The following TRIM9 variants were observed in gnomAD, a reference collection of about 807,000 sequenced individuals.
The protein encoded by TRIM9 is tripartite motif containing 9.
TRIM9 carries 26 observed loss-of-function variants against 78.3 expected under a neutral mutation model. The observed-to-expected ratio is 0.33, with a 90% CI of 0.24 to 0.46. The LOEUF (loss-of-function observed/expected upper bound fraction) is 0.46. TRIM9 is among the 20% of genes least tolerant of loss of function. The pLI is 1.00. For missense variants in TRIM9, 787 were observed against 1,036.4 expected, an observed-to-expected ratio of 0.76 and a Z score of 3.30; for synonymous variants, 398 against 416.5, an observed-to-expected ratio of 0.96 and a Z score of 0.54.
intron 3 of TRIM9, among the ~76,000 whole-genome samples, chr14:51,015,445 G>A (rs34678449): frequency 0.047 from 6,645 of 140,730 alleles, 199 homozygotes; most frequent in East Asian, 0.17. Flanking sequence ...TTTACATGTG[G>A]TTCTTTTAAA....
intron 1 of TRIM9, among the ~76,000 whole-genome samples, chr14:51,071,902 G>A (rs2062304245): frequency 6.6e-6 from 1 of 152,228 alleles, no homozygotes; most frequent in Non-Finnish European, 1.5e-5. Context: ...TGACAGTGCT[G>A]TTTGCCATGG....
Position 50,979,516 on chromosome 14 carries a change from A to G in TRIM9, c.2196T>C (p.Ile732=), listed in dbSNP as rs1263677000. ...TTCTATTTAAGTCGAGGAGGACCCC[A>G]ATTGTGGCCCCTTTTGTGATCCCTC... ...TEGGITKGAT[I]GVLLDLNRKN... is the part of the protein sequence containing the mutation. The change falls in exon 12 of 13, where the codon ATT becomes ATC. Residue 732 remains isoleucine (I), a synonymous_variant. Transcript: ENST00000684578. 4 of 1,613,996 alleles carry G rather than the reference A, an allele frequency of 2.5e-6. No individual in the cohort carries two copies. The highest frequency in any genetic ancestry group is 3.4e-6 in the Non-Finnish European group (4 of 1,180,028).
At chr14:51,015,024 C>T (rs57305071) in intron 3 of TRIM9, among the ~76,000 whole-genome samples, 1,884 of 152,314 alleles carry the variant, frequency 0.012, 41 homozygotes, top group African/African-American at 0.043. Flanking sequence ...TCAGAGAAGG[C>T]TTTTAAAATT....
At chr14:50,996,367 A>C (rs2054204141) in intron 7 of TRIM9, 3 of 985,464 alleles carry the variant, frequency 3.0e-6, no homozygotes, top group Non-Finnish European at 3.6e-6. Context: ...TAATCTTATG[A>C]ACATTAAAAT....
At chr14:51,013,141 G>C (rs1301631673) in intron 3 of TRIM9, among the ~76,000 whole-genome samples, 6 of 151,880 alleles carry the variant, frequency 4.0e-5, no homozygotes, top group Non-Finnish European at 8.8e-5. Flanking sequence ...TCTCCCAGGA[G>C]TTTATAGTTT....
intron 7 of TRIM9, among the ~76,000 whole-genome samples, chr14:50,988,611 G>A (rs1308843238): frequency 4.5e-5 from 6 of 133,662 alleles, no homozygotes; most frequent in Non-Finnish European, 9.5e-5. Flanking sequence ...CCCCATCTAT[G>A]ACCTCCCATT....
At chr14:51,093,153 G>C (rs1022667047) in intron 1 of TRIM9, among the ~76,000 whole-genome samples, 1 of 152,136 alleles carries the variant, frequency 6.6e-6, no homozygotes, top group African/African-American at 2.4e-5. Flanking sequence ...GAGAAGCGTG[G>C]GAAAAATTGG....
At chr14:50,977,391 C>T (rs764986316) in intron 12 of TRIM9, 38 bp from the exon 13 acceptor site, 2 of 1,467,556 alleles carry the variant, frequency 1.4e-6, no homozygotes, top group Admixed American at 4.4e-5. Context: ...AGGCATCGTG[C>T]ATCCCCCTGT....
At chr14:51,032,702 C>T (rs1465403259) in intron 1 of TRIM9, among the ~76,000 whole-genome samples, 1 of 152,210 alleles carries the variant, frequency 6.6e-6, no homozygotes, top group African/African-American at 2.4e-5. Context: ...GTCTAAAATA[C>T]TAAGCTTCAG....
chr14:51,011,547 A>G (rs2056583365), intron 3 of TRIM9, among the ~76,000 whole-genome samples: 1 of 152,102 alleles, frequency 6.6e-6, no homozygotes, highest in Non-Finnish European at 1.5e-5. Flanking sequence ...CACATCCCCA[A>G]TATTTATACT....
chr14:51,039,505 C>T (rs1180491823), intron 1 of TRIM9, among the ~76,000 whole-genome samples: 2 of 152,096 alleles, frequency 1.3e-5, no homozygotes, highest in African/African-American at 4.8e-5. Context: ...CTTTTAAAAA[C>T]ACTATGTTGA....
chr14:51,053,629 G>T, intron 1 of TRIM9, among the ~76,000 whole-genome samples: 2 of 126,666 alleles, frequency 1.6e-5, no homozygotes, highest in South Asian at 2.4e-4. Context: ...TAAGTTTTAG[G>T]GTACATGTGC....
chr14:51,064,623 A>G (rs1244326448), intron 1 of TRIM9, among the ~76,000 whole-genome samples: 1 of 152,010 alleles, frequency 6.6e-6, no homozygotes. Context: ...TCAAGAAACA[A>G]AAAGAAAATA....
At position 51,015,505 on chromosome 14, in the gene TRIM9, C is replaced by CTTTT. The variant is rs369652663; in HGVS notation, c.1042-5015_1042-5012dup. The stretch of plus-strand genomic sequence containing the variant: ...AATGCTTTTTTCTTTCTTTACTTTT[C>CTTTT]TTTTTTTTTTTTTTTTTTTTTTTTT... On this transcript the variant is annotated intron_variant, in intron 3 of 12. Coordinates refer to ENST00000684578, the MANE Select transcript of TRIM9 (RefSeq NM_001387360.1). 3.4e-3 allele frequency among the ~76,000 whole-genome samples: 207 copies of CTTTT among 61,338 alleles called. 12 individuals are homozygous for CTTTT. The highest frequency in any genetic ancestry group is 4.1e-3 in the Non-Finnish European group (143 of 34,510). 40.2% of individuals were successfully genotyped at this position (61,338 alleles called of 152,430 possible).
intron 11 of TRIM9, among the ~76,000 whole-genome samples, chr14:50,980,965 G>C (rs766631987): frequency 6.6e-6 from 1 of 151,544 alleles, no homozygotes; most frequent in South Asian, 2.1e-4. Context: ...CTTTGATCTG[G>C]TTGAACACTA....
intron 1 of TRIM9, among the ~76,000 whole-genome samples, chr14:51,060,685 T>C (rs1029486653): frequency 6.6e-6 from 1 of 152,228 alleles, no homozygotes; most frequent in Non-Finnish European, 1.5e-5. Flanking sequence ...GCCAGGATGG[T>C]CTCGATCTAC....
At chr14:51,025,232 C>T (rs183105511) in intron 2 of TRIM9, 33 bp downstream of exon 2, 25 of 1,577,620 alleles carry the variant, frequency 1.6e-5, no homozygotes, top group East Asian at 1.3e-4. Flanking sequence ...TATTAACCGG[C>T]GGGTTTCCTT....
At position 51,022,907 on chromosome 14, in the gene TRIM9, G is replaced by A. The variant is rs2057893799; in HGVS notation, c.969C>T (p.Leu323=). 1.2e-6 allele frequency: 2 copies of A among 1,614,032 alleles called. No homozygotes were observed. Among genetic ancestry groups the A allele is most frequent in the South Asian group, 2.2e-5 (2 of 91,084 alleles). The change falls in exon 3 of 13, where the codon CTC becomes CTT. Residue 323 remains leucine, a synonymous_variant. Transcript: ENST00000684578. ...EACLVAQCDA[L]IDALNRRKAQ... is the part of the protein sequence containing the mutation. The stretch of plus-strand genomic sequence containing the variant: ...CTTTTCTTCTGTTGAGGGCATCGAT[G>A]AGGGCATCACATTGGGCCACCAGAC...
chr14:51,049,123 G>A (rs185907876), intron 1 of TRIM9, among the ~76,000 whole-genome samples: 126 of 152,220 alleles, frequency 8.3e-4, no homozygotes, highest in African/African-American at 2.8e-3. Flanking sequence ...ATGCAGAAGC[G>A]CAGTCCCGGC....
Sources: gnomAD v4.1 joint callset for allele counts (sites outside exome capture counted in the v4.1 genomes callset) on GRCh38, gnomAD v4.1.1 for gene constraint, MANE v1.5 for transcripts, NCBI Gene and HGNC (gene_info 2026-07-23, HGNC 2026-07-21) for gene names.